The following TSPAN9 variants were observed in gnomAD, a reference collection of about 807,000 sequenced individuals.
TSPAN9 encodes the protein tetraspanin 9.
Under a neutral mutation model 31.0 loss-of-function variants are expected in TSPAN9, and 16 were observed. The ratio of observed to expected loss-of-function variants is 0.52; its 90% confidence interval spans 0.35 to 0.78. The LOEUF (loss-of-function observed/expected upper bound fraction) is 0.78. TSPAN9 is among the 30% of genes least tolerant of loss of function. The pLI is 0.01. For synonymous variants in TSPAN9, 145 were observed against 121.6 expected (o/e 1.19, Z -1.27); for missense variants, 272 against 312.5 (o/e 0.87, Z 0.98).
chr12:3,155,822 A>C (rs995871684), intron 2 of TSPAN9, among the ~76,000 whole-genome samples: 1 of 152,152 alleles, frequency 6.6e-6, no homozygotes, highest in African/African-American at 2.4e-5. Flanking sequence ...TTGTAGGCAC[A>C]CTGGAGGCGG....
chr12:3,201,956 G>GTGCT (rs1290603081), intron 3 of TSPAN9, among the ~76,000 whole-genome samples: 1 of 152,162 alleles, frequency 6.6e-6, no homozygotes, highest in African/African-American at 2.4e-5. Context: ...GGCTGGCCAC[G>GTGCT]TGCTTCCAGG....
At chr12:3,138,657 T>TGGG (rs2098333229) in intron 2 of TSPAN9, among the ~76,000 whole-genome samples, 2 of 95,170 alleles carry the variant, frequency 2.1e-5, no homozygotes, top group Non-Finnish European at 4.5e-5. Context: ...GACTTTTTTT[T>TGGG]CCTTTTTTTG....
chr12:3,224,263 GC>G (rs2098277300), intron 3 of TSPAN9, among the ~76,000 whole-genome samples: 1 of 152,174 alleles, frequency 6.6e-6, no homozygotes, highest in East Asian at 1.9e-4. Context: ...GGACCCTTGT[GC>G]ACTTACAGAT....
Position 3,285,620 on chromosome 12 carries a change from G to A in TSPAN9, c.*2504G>A, listed in dbSNP as rs532102007. ...TTCCACTCAGAGGGCCACACCCAGC[G>A]ATGCCAGTGAAGGTGGCACAGCCTC... On this transcript the variant is annotated 3_prime_UTR_variant, in exon 9 of 9. Coordinates refer to ENST00000011898, the MANE Select transcript of TSPAN9 (RefSeq NM_006675.5). The A allele has an allele frequency of 5.2e-4, 79 of 152,360 alleles. No homozygotes were observed. Among genetic ancestry groups the A allele is most frequent in the African/African-American group, 1.5e-3 (64 of 41,582 alleles). The allele number at this position is 152,360 out of a possible 1,614,324, so 9.4% of individuals were successfully genotyped here. A position where few individuals can be genotyped will look rare whatever the true frequency, so the allele number is the denominator to read the frequency against.
At chr12:3,250,436 G>A (rs1404843254) in intron 3 of TSPAN9, among the ~76,000 whole-genome samples, 3 of 152,186 alleles carry the variant, frequency 2.0e-5, no homozygotes, top group Admixed American at 2.0e-4. Flanking sequence ...TGCCTTTTTA[G>A]GGTTCACCCA....
At chr12:3,186,081 G>A (rs1206141599) in intron 2 of TSPAN9, among the ~76,000 whole-genome samples, 1 of 152,182 alleles carries the variant, frequency 6.6e-6, no homozygotes, top group Admixed American at 6.5e-5. Context: ...GGTCACAGAT[G>A]TCAGGGCCAG....
chr12:3,238,275 G>C (rs1166660972), intron 3 of TSPAN9, among the ~76,000 whole-genome samples: 1 of 152,178 alleles, frequency 6.6e-6, no homozygotes, highest in Non-Finnish European at 1.5e-5. Context: ...GTCCTCTGCT[G>C]TTCCCACTCT....
In TSPAN9 at chr12:3,147,799, G is replaced by A. The variant is rs2098337949; in HGVS notation, c.-17-53378G>A. 6.6e-6 allele frequency among the ~76,000 whole-genome samples: 1 copy of A among 152,242 alleles called. No homozygotes were observed. Among genetic ancestry groups the A allele is most frequent in the African/African-American group, 2.4e-5 (1 of 41,470 alleles). On this transcript the variant is annotated intron_variant, in intron 2 of 8. Transcript: ENST00000011898. The surrounding 1 kb of genome is among the most constrained non-coding windows in gnomAD (Gnocchi z 4.3). ...TAGACCAGTAGTTTTCACCTGCAGT[G>A]TTGGCTCACACTGGTGGGTGCCCTT... is the stretch of plus-strand genomic sequence containing the variant.
At chr12:3,251,008 ATCT>A (rs1246241231) in intron 3 of TSPAN9, among the ~76,000 whole-genome samples, 6 of 151,452 alleles carry the variant, frequency 4.0e-5, no homozygotes, top group Non-Finnish European at 7.4e-5. Context: ...CCTCATCTTT[ATCT>A]TCTTCTTCCT....
At chr12:3,102,686 C>G (rs1307316979) in intron 2 of TSPAN9, among the ~76,000 whole-genome samples, 1 of 152,226 alleles carries the variant, frequency 6.6e-6, no homozygotes, top group African/African-American at 2.4e-5. Context: ...ATCCGACCGC[C>G]TCGGCCTTCC....
At chr12:3,085,166 C>G (rs1455385397) in intron 2 of TSPAN9, among the ~76,000 whole-genome samples, 1 of 150,996 alleles carries the variant, frequency 6.6e-6, no homozygotes, top group Non-Finnish European at 1.5e-5. Flanking sequence ...GAGTTCAAGA[C>G]TAGACTGGGC....
intron 2 of TSPAN9, chr12:3,200,217 G>A (rs1010973622): frequency 5.9e-5 from 9 of 152,304 alleles, no homozygotes; most frequent in African/African-American, 1.7e-4. Flanking sequence ...TGTGTCATTG[G>A]GGAGGGGGTG....
chr12:3,096,431 C>T (rs2098308972), intron 2 of TSPAN9, among the ~76,000 whole-genome samples: 1 of 152,160 alleles, frequency 6.6e-6, no homozygotes, highest in Middle Eastern at 3.2e-3. Context: ...TGTGCATTGT[C>T]TCTTTATTCC....
At chr12:3,184,603 C>T (rs1441622125) in intron 2 of TSPAN9, among the ~76,000 whole-genome samples, 2 of 152,070 alleles carry the variant, frequency 1.3e-5, no homozygotes, top group Non-Finnish European at 2.9e-5. Flanking sequence ...ATGATAGCAC[C>T]GTCTGGATTT....
rs554209288 is a variant in TSPAN9 at position 3,093,969 on chromosome 12, C to T, written c.-18+10250C>T. On this transcript the variant is annotated intron_variant, in intron 2 of 8. Transcript: ENST00000011898. ...CCTCCAACTCCTGGGCTCAAGCAAT[C>T]CTCCTGCCTCAGCCTCCTGAGTAGT... Among the ~76,000 whole-genome samples, 239 of 152,338 alleles carry T rather than the reference C, an allele frequency of 1.6e-3. 1 individual carries two copies. The highest frequency in any genetic ancestry group is 5.5e-3 in the African/African-American group (227 of 41,582).
At chr12:3,105,814 GCACACGCGCACACACACT>G (rs2098314257) in intron 2 of TSPAN9, among the ~76,000 whole-genome samples, 1 of 115,742 alleles carries the variant, frequency 8.6e-6, no homozygotes, top group Non-Finnish European at 2.1e-5. Flanking sequence ...GCGCACACAC[GCACACGCGCACACACACT>G]TTCATACACA....
At chr12:3,091,313 A>G (rs1459009510) in intron 2 of TSPAN9, among the ~76,000 whole-genome samples, 1 of 152,234 alleles carries the variant, frequency 6.6e-6, no homozygotes, top group East Asian at 1.9e-4. Flanking sequence ...CTTCTCAAGC[A>G]ACTCACAATG....
At chr12:3,198,201 GCACAGGTCACCACCAGCACAGGT>G (rs1565610242) in intron 2 of TSPAN9, among the ~76,000 whole-genome samples, 114 of 79,048 alleles carry the variant, frequency 1.4e-3, no homozygotes, top group East Asian at 3.2e-3. Context: ...GCCACCACCA[GCACAGGTCACCACCAGCACAGGT>G]CACCACCAGC....
intron 2 of TSPAN9, among the ~76,000 whole-genome samples, chr12:3,088,616 C>T (rs915647267): frequency 6.6e-6 from 1 of 152,226 alleles, no homozygotes; most frequent in African/African-American, 2.4e-5. Flanking sequence ...GCAGTTCGTG[C>T]CCGCAGTGCA....
Sources: gnomAD v4.1 joint callset for allele counts (sites outside exome capture counted in the v4.1 genomes callset) on GRCh38, gnomAD v4.1.1 for gene constraint, Gnocchi (gnomAD v3.1) non-coding constraint, MANE v1.5 for transcripts, NCBI Gene and HGNC (gene_info 2026-07-23, HGNC 2026-07-21) for gene names.